PCDH15: variants seen among roughly 807,000 people sequenced by gnomAD.
The protein encoded by PCDH15 is protocadherin related 15, also known as protocadherin-15.
In PCDH15, 129 loss-of-function variants were observed where a neutral mutation model predicts 178.5. The observed-to-expected ratio is 0.72, with a 90% CI of 0.63 to 0.84. The LOEUF (loss-of-function observed/expected upper bound fraction) is 0.84, where lower values mean the gene tolerates loss of function less well. Among genes scored for constraint, PCDH15 ranks in the 40% least tolerant of loss-of-function variants. PCDH15 has a pLI of 0.00. For missense variants in PCDH15, 2,230 were observed against 2,099.9 expected (o/e 1.06, Z -1.21); for synonymous variants, 800 against 732.0 (o/e 1.09, Z -1.50).
At chr10:55,323,951 G>A (rs749889892), upstream of PCDH15, among the ~76,000 whole-genome samples, 31 of 152,118 alleles carry the variant, frequency 2.0e-4, no homozygotes, top group Non-Finnish European at 3.5e-4. Context: ...GATGGGGCCA[G>A]GTGGGGATAA....
At chr10:54,208,271 C>G (rs1269074266) in intron 10 of PCDH15, among the ~76,000 whole-genome samples, 1 of 151,886 alleles carries the variant, frequency 6.6e-6, no homozygotes, top group Non-Finnish European at 1.5e-5. Flanking sequence ...TTTGCCTTAC[C>G]TTAGAGACCT....
At chr10:54,104,979 C>T (rs370146508) in intron 15 of PCDH15, among the ~76,000 whole-genome samples, 1 of 151,780 alleles carries the variant, frequency 6.6e-6, no homozygotes, top group Admixed American at 6.6e-5. Context: ...AACTCTTTGC[C>T]TCTCACAAGT....
intron 8 of PCDH15, among the ~76,000 whole-genome samples, chr10:54,244,180 C>T (rs2055691811): frequency 6.6e-6 from 1 of 152,110 alleles, no homozygotes; most frequent in Admixed American, 6.5e-5. Context: ...ATATCATACT[C>T]TTTATTCTAC....
At chr10:55,179,657 C>T (rs908420820) in intron 1 of PCDH15, among the ~76,000 whole-genome samples, 2 of 151,988 alleles carry the variant, frequency 1.3e-5, no homozygotes, top group South Asian at 4.1e-4. Flanking sequence ...CAATACAATT[C>T]TACTCTGCCT....
chr10:54,768,101 T>C (rs1948713502), intron 1 of PCDH15, among the ~76,000 whole-genome samples: 2 of 152,200 alleles, frequency 1.3e-5, no homozygotes, highest in Admixed American at 6.5e-5. Context: ...CTAATTTTTT[T>C]CTATTAAAAT....
intron 3 of PCDH15, among the ~76,000 whole-genome samples, chr10:54,438,167 G>A (rs1300205259): frequency 4.0e-5 from 6 of 151,572 alleles, no homozygotes; most frequent in African/African-American, 1.5e-4. Flanking sequence ...GAAGACCTGT[G>A]GTTGTTTATC....
rs912417520 is a variant in PCDH15 at position 54,185,120 on chromosome 10, C to T, written c.1440+14G>A. 6.2e-7 allele frequency: 1 copy of T among 1,612,446 alleles called. No individual in the cohort carries two copies. Among genetic ancestry groups the T allele is most frequent in the Non-Finnish European group, 8.5e-7 (1 of 1,178,880 alleles). On this transcript the variant is annotated intron_variant, in intron 12 of 37. Transcript: ENST00000644397. ...TCATACATACATATGTATATTTACA[C>T]AAAAGCTCTTTACCGAAAAGGTGTA... is the stretch of plus-strand genomic sequence containing the variant.
intron 1 of PCDH15, among the ~76,000 whole-genome samples, chr10:55,294,113 G>C (rs1384552307): frequency 1.3e-5 from 2 of 152,156 alleles, no homozygotes. Context: ...CATCTTACAT[G>C]GATGGCAGCA....
chr10:54,465,942 C>T (rs924861356), intron 3 of PCDH15, among the ~76,000 whole-genome samples: 1 of 151,936 alleles, frequency 6.6e-6, no homozygotes. Context: ...GCCATTCTAA[C>T]TGGGGCAAGA....
chr10:54,632,745 T>C (rs1190815843), intron 2 of PCDH15, among the ~76,000 whole-genome samples: 1 of 151,990 alleles, frequency 6.6e-6, no homozygotes, highest in Non-Finnish European at 1.5e-5. Context: ...CAAGACTGGA[T>C]CAAAAGGTGA....
chr10:54,139,691 CTGTT>C (rs140984233), intron 14 of PCDH15, among the ~76,000 whole-genome samples: 2,346 of 152,166 alleles, frequency 0.015, 75 homozygotes, highest in African/African-American at 0.054. Flanking sequence ...GAAAACGAAT[CTGTT>C]TGTCTAGTTC....
chr10:54,356,244 G>A (rs1185337101), intron 5 of PCDH15, among the ~76,000 whole-genome samples: 1 of 151,996 alleles, frequency 6.6e-6, no homozygotes, highest in Non-Finnish European at 1.5e-5. Flanking sequence ...CATGCACAAA[G>A]TCTACGAATC....
chr10:54,389,721 T>C (rs908289091), intron 3 of PCDH15, among the ~76,000 whole-genome samples: 65 of 151,548 alleles, frequency 4.3e-4, no homozygotes, highest in African/African-American at 1.5e-3. Flanking sequence ...GGTGGATCAC[T>C]TGAAGTCAGG....
chr10:55,180,287 T>C (rs1839606348), intron 1 of PCDH15, among the ~76,000 whole-genome samples: 1 of 152,140 alleles, frequency 6.6e-6, no homozygotes, highest in Non-Finnish European at 1.5e-5. Flanking sequence ...AGTTGTACAA[T>C]TGTAGAAAGT....
chr10:55,507,718 T>TATA (rs34834605), intron 2 of PCDH15, among the ~76,000 whole-genome samples: 59,470 of 150,684 alleles, frequency 0.39, 12,401 homozygotes, highest in East Asian at 0.81. Context: ...GAATGATTCG[T>TATA]ATAATTTGAC....
chr10:54,628,210 G>A (rs1486177719), intron 2 of PCDH15, among the ~76,000 whole-genome samples: 1 of 152,148 alleles, frequency 6.6e-6, no homozygotes, highest in Admixed American at 6.6e-5. Flanking sequence ...GCAAAGAATG[G>A]CTAAACACAC....
chr10:55,240,713 T>A (rs1198178368), intron 1 of PCDH15, among the ~76,000 whole-genome samples: 1 of 152,208 alleles, frequency 6.6e-6, no homozygotes, highest in African/African-American at 2.4e-5. Flanking sequence ...GCTCTTGCAT[T>A]TTTAACATGT....
intron 2 of PCDH15, among the ~76,000 whole-genome samples, chr10:55,353,063 G>A (rs985436666): frequency 4.6e-5 from 7 of 152,080 alleles, no homozygotes; most frequent in African/African-American, 1.4e-4. Flanking sequence ...AACTAATTGG[G>A]TTATGAAGTT....
At chr10:53,994,287 A>G (rs1426285112) in intron 21 of PCDH15, among the ~76,000 whole-genome samples, 2 of 152,186 alleles carry the variant, frequency 1.3e-5, no homozygotes, top group Admixed American at 1.3e-4. Context: ...ATCTCTCATC[A>G]TTAACGCCAT....
Sources: allele counts gnomAD v4.1 joint callset (sites outside exome capture counted in the v4.1 genomes callset), GRCh38; gene constraint gnomAD v4.1.1; transcripts MANE v1.5; gene names NCBI Gene and HGNC (gene_info 2026-07-23, HGNC 2026-07-21).